The following DNAI2 variants were observed in gnomAD, a reference collection of about 807,000 sequenced individuals.
DNAI2 encodes dynein, axonemal, intermediate polypeptide 2.
Under a neutral mutation model 74.7 loss-of-function variants are expected in DNAI2, and 63 were observed. The observed-to-expected ratio is 0.84, with a 90% CI of 0.69 to 1.04. The LOEUF (loss-of-function observed/expected upper bound fraction) is 1.04. Among genes scored for constraint, DNAI2 ranks in the 50% least tolerant of loss-of-function variants. The pLI is 0.00. For missense variants in DNAI2, 688 were observed against 803.2 expected (o/e 0.86, Z 1.73); for synonymous variants, 289 against 314.9 (o/e 0.92, Z 0.87).
intron 3 of DNAI2, 55 bp from the exon 4 acceptor site, chr17:74,286,922 G>A: frequency 1.9e-6 from 3 of 1,612,476 alleles, no homozygotes; most frequent in Non-Finnish European, 2.5e-6. Flanking sequence ...GCAGGCCTGG[G>A]CAATCTGAAA....
At chr17:74,309,481 G>C (rs771052029) in intron 10 of DNAI2, 93 bp downstream of exon 10, 244 of 1,571,662 alleles carry the variant, frequency 1.6e-4, no homozygotes, top group Non-Finnish European at 2.0e-4. Context: ...CACGTGTGCA[G>C]TGTGTGGCCA....
chr17:74,291,261 A>T, intron 6 of DNAI2, 128 bp downstream of exon 6: 1 of 709,984 alleles, frequency 1.4e-6, no homozygotes, highest in Non-Finnish European at 2.4e-6. Flanking sequence ...CCTGGGTTCA[A>T]GTGATTCTCC....
intron 11 of DNAI2, among the ~76,000 whole-genome samples, chr17:74,310,717 T>TTA (rs756142741): frequency 3.6e-4 from 54 of 151,674 alleles, no homozygotes; most frequent in Admixed American, 8.5e-4. Flanking sequence ...TTTTGTATTT[T>TTA]TAATAGAGAC....
chr17:74,279,216 G>A (rs1198818433), intron 1 of DNAI2, among the ~76,000 whole-genome samples: 1 of 151,882 alleles, frequency 6.6e-6, no homozygotes. Context: ...ATTCTTGAGG[G>A]GATGGATACC....
Position 74,285,240 on chromosome 17 carries a change from C to T in DNAI2, c.345+39C>T, listed in dbSNP as rs368435643. Reference sequence around the variant, plus strand: ...CTGCCCCAGCTGCAAGAGCCCCATCCATCACTGCAGCTCCCCAAGGGATGC... The same window carrying T: ...CTGCCCCAGCTGCAAGAGCCCCATCTATCACTGCAGCTCCCCAAGGGATGC... On this transcript the variant is annotated intron_variant, in intron 3 of 13. Transcript: ENST00000311014. 15 of 1,606,770 alleles carry T rather than the reference C, an allele frequency of 9.3e-6. No individual in the cohort carries two copies. The African/African-American group carries it at 1.7e-4, about 19-fold the overall frequency.
At chr17:74,282,278 A>G (rs933767948) in intron 2 of DNAI2, among the ~76,000 whole-genome samples, 1 of 151,324 alleles carries the variant, frequency 6.6e-6, no homozygotes, top group African/African-American at 2.4e-5. Context: ...GACACTTACC[A>G]GAGTTGTTTT....
In DNAI2 at chr17:74,295,486, G is replaced by A. The variant is rs138386864; in HGVS notation, c.725-4232G>A. Among the ~76,000 whole-genome samples, 401 of 152,202 alleles carry A rather than the reference G, an allele frequency of 2.6e-3. 4 individuals are homozygous for A. Among genetic ancestry groups the A allele is most frequent in the African/African-American group, 7.6e-3 (316 of 41,532 alleles). ...TCTCATGCTTTTCTTTAGTTCTTTT[G>A]ATGTGACTTCCTTTAGTTCTTTGAA... On this transcript the variant is annotated intron_variant, in intron 6 of 13. Coordinates refer to ENST00000311014, the MANE Select transcript of DNAI2 (RefSeq NM_023036.6).
chr17:74,309,394 G>T lies in DNAI2; in HGVS notation c.1347+6G>T. 2 of 1,614,152 alleles carry T rather than the reference G, an allele frequency of 1.2e-6. No individual in the cohort carries two copies. The highest frequency in any genetic ancestry group is 1.7e-6 in the Non-Finnish European group (2 of 1,180,016). ...ATCCCACCCTCAGCTTGAAGGTCAC[G>T]CGCATGTCCCTCCTTGTGCATCCAG... is the stretch of plus-strand genomic sequence containing the variant. On this transcript the variant is annotated splice_donor_region_variant and intron_variant, in intron 10 of 13. Transcript: ENST00000311014.
intron 8 of DNAI2, among the ~76,000 whole-genome samples, chr17:74,301,925 AGG>A (rs1567865175): frequency 2.3e-3 from 42 of 18,530 alleles, no homozygotes; most frequent in Non-Finnish European, 4.0e-3. Context: ...GAAGGAAGGA[AGG>A]AAGGAAGGAA....
At chr17:74,282,102 C>T in intron 2 of DNAI2, 102 bp downstream of exon 2, 1 of 1,376,828 alleles carries the variant, frequency 7.3e-7, no homozygotes. Context: ...CACCTGAAAG[C>T]CAGTTAGAGT....
intron 2 of DNAI2, among the ~76,000 whole-genome samples, chr17:74,283,725 G>A (rs1444674617): frequency 2.0e-5 from 3 of 151,728 alleles, no homozygotes; most frequent in East Asian, 1.9e-4. Flanking sequence ...GCAACATGGC[G>A]AAACACCGTC....
At chr17:74,285,238 T>G in intron 3 of DNAI2, 37 bp downstream of exon 3, 2 of 1,607,998 alleles carry the variant, frequency 1.2e-6, no homozygotes, top group South Asian at 2.2e-5. Flanking sequence ...AAGAGCCCCA[T>G]CCATCACTGC....
intron 9 of DNAI2, among the ~76,000 whole-genome samples, chr17:74,307,669 AAAT>A (rs1461054620): frequency 1.3e-5 from 2 of 152,300 alleles, no homozygotes; most frequent in East Asian, 1.9e-4. Flanking sequence ...TCTCAAAAAA[AAAT>A]AATATTTGGC....
At chr17:74,309,114 C>T in intron 9 of DNAI2, 139 bp from the exon 10 acceptor site, 1 of 877,070 alleles carries the variant, frequency 1.1e-6, no homozygotes, top group Admixed American at 2.0e-5. Flanking sequence ...GAGGTCAGCA[C>T]AGCTAGAAGT....
intron 6 of DNAI2, among the ~76,000 whole-genome samples, chr17:74,294,298 C>CTTTTTTTTTTT (rs113049803): frequency 9.3e-5 from 13 of 139,676 alleles, no homozygotes; most frequent in South Asian, 2.3e-4. Flanking sequence ...CTTATCATTT[C>CTTTTTTTTTTT]TTTTTTTTTT....
Position 74,313,878 on chromosome 17 carries a change from C to T in DNAI2, c.1723-243C>T. ...CAGGAGGAGCTAGCCCGAGGCCTCC[C>T]AGTCTGCATGTGGCAGAAGCCAGGC... On this transcript the variant is annotated intron_variant, in intron 12 of 13. Coordinates refer to ENST00000311014, the MANE Select transcript of DNAI2 (RefSeq NM_023036.6). 7.4e-6 allele frequency: 4 copies of T among 537,354 alleles called. No individual in the cohort carries two copies. The East Asian group carries it at 1.4e-4, about 19-fold the overall frequency. 33.3% of individuals were successfully genotyped at this position (537,354 alleles called of 1,614,324 possible). A position where few individuals can be genotyped will look rare whatever the true frequency, so the allele number is the denominator to read the frequency against.
intron 3 of DNAI2, among the ~76,000 whole-genome samples, 173 bp from the exon 4 acceptor site, chr17:74,286,803 CA>C (rs1349038806): frequency 1.3e-5 from 2 of 152,100 alleles, no homozygotes; most frequent in African/African-American, 2.4e-5. Context: ...ACCTAAAAAG[CA>C]ATATTATTTT....
At chr17:74,308,652 G>C (rs1008841655) in intron 9 of DNAI2, among the ~76,000 whole-genome samples, 5 of 152,156 alleles carry the variant, frequency 3.3e-5, no homozygotes, top group African/African-American at 1.2e-4. Flanking sequence ...CTCCCGAGGA[G>C]CTGGGACCAC....
rs555207968 is a variant in DNAI2 at position 74,300,877 on chromosome 17, G to T, written c.865-169G>T. Among the ~76,000 whole-genome samples the T allele has an allele frequency of 8.4e-4, 128 of 152,320 alleles. No individual in the cohort carries two copies. Among genetic ancestry groups the T allele is most frequent in the African/African-American group, 2.8e-3 (116 of 41,562 alleles). On this transcript the variant is annotated intron_variant, in intron 7 of 13. Coordinates refer to ENST00000311014, the MANE Select transcript of DNAI2 (RefSeq NM_023036.6). This position sits in a 1 kb window ranked among gnomAD's most constrained non-coding sequence, Gnocchi z 4.5. The stretch of plus-strand genomic sequence containing the variant: ...TGATGATCAGCCAGGTGTGGGAACT[G>T]TGGACAGAACAGCAATCCTCAAAGT...
Sources: gnomAD v4.1 joint callset for allele counts (sites outside exome capture counted in the v4.1 genomes callset) on GRCh38, gnomAD v4.1.1 for gene constraint, Gnocchi (gnomAD v3.1) non-coding constraint, MANE v1.5 for transcripts, NCBI Gene and HGNC (gene_info 2026-07-23, HGNC 2026-07-21) for gene names.